LHFPL2: variants seen among roughly 807,000 people sequenced by gnomAD.
The protein encoded by LHFPL2 is LHFPL tetraspan subfamily member 2.
LHFPL2 carries 7 observed loss-of-function variants against 17.5 expected under a neutral mutation model. The ratio of observed to expected loss-of-function variants is 0.40; its 90% CI spans 0.23 to 0.75. LHFPL2 has a LOEUF of 0.75. Ranked by LOEUF, LHFPL2 falls within the 30% of genes least tolerant of loss-of-function variation. The pLI, the probability that LHFPL2 is intolerant of heterozygous loss-of-function variation, is 0.37. For missense variants in LHFPL2, 241 were observed against 294.8 expected, an observed-to-expected ratio of 0.82 and a Z score of 1.34; for synonymous variants, 134 against 116.2, an observed-to-expected ratio of 1.15 and a Z score of -0.99.
At chr5:78,647,805 T>C (rs1745937391) in intron 1 of LHFPL2, among the ~76,000 whole-genome samples, 1 of 151,694 alleles carries the variant, frequency 6.6e-6, no homozygotes, top group African/African-American at 2.4e-5. Flanking sequence ...CGAAGAACAC[T>C]GGGCCGCTGA....
intron 2 of LHFPL2, among the ~76,000 whole-genome samples, chr5:78,580,563 T>C (rs1395325980): frequency 1.3e-5 from 2 of 150,332 alleles, no homozygotes; most frequent in African/African-American, 4.9e-5. Flanking sequence ...TTTCTACATA[T>C]GGCTAGCCAG....
chr5:78,638,347 C>A (rs1417343255), intron 1 of LHFPL2, among the ~76,000 whole-genome samples: 1 of 152,008 alleles, frequency 6.6e-6, no homozygotes, highest in Admixed American at 6.6e-5. Context: ...GAGCGAGACA[C>A]CGTCTCAAAT....
chr5:78,510,198 C>T lies in LHFPL2; in HGVS notation c.16G>A (p.Val6Ile). The T allele has an allele frequency of 6.3e-7, 1 of 1,597,808 alleles. No individual in the cohort carries two copies. Among genetic ancestry groups the T allele is most frequent in the Non-Finnish European group, 8.5e-7 (1 of 1,169,672 alleles). ...GTCCAGAGCATCGAGCGACAGGTGA[C>T]AATGACATGACACATATTGATGTTC... The part of the protein sequence containing the change: MCHVI[V>I]TCRSMLWTLL... The change falls in exon 4 of 5, where the codon GTC (valine) becomes ATC (isoleucine). Residue 6 changes from valine to isoleucine, a missense_variant. Val to Ile is a conservative substitution (Grantham distance 29, BLOSUM62 3). Coordinates refer to ENST00000380345, the MANE Select transcript of LHFPL2 (RefSeq NM_005779.3).
intron 3 of LHFPL2, among the ~76,000 whole-genome samples, chr5:78,550,240 T>C (rs1404308114): frequency 6.6e-6 from 1 of 152,188 alleles, no homozygotes; most frequent in Non-Finnish European, 1.5e-5. Context: ...GGCTCATCCA[T>C]CTTCACAACC....
intron 2 of LHFPL2, among the ~76,000 whole-genome samples, chr5:78,600,229 G>A (rs185453940): frequency 3.6e-4 from 55 of 151,114 alleles, no homozygotes; most frequent in African/African-American, 1.2e-3. Flanking sequence ...GTTGTCAAGC[G>A]AGCAAACTAG....
chr5:78,504,582 G>A (rs975794809), intron 4 of LHFPL2, among the ~76,000 whole-genome samples: 2 of 152,156 alleles, frequency 1.3e-5, no homozygotes, highest in African/African-American at 2.4e-5. Context: ...CATTTCGTAT[G>A]CCCACCCATA....
At chr5:78,569,790 A>G (rs935813306) in intron 2 of LHFPL2, among the ~76,000 whole-genome samples, 1 of 152,128 alleles carries the variant, frequency 6.6e-6, no homozygotes, top group African/African-American at 2.4e-5. Flanking sequence ...GTTTCCAAAG[A>G]CCTCGCGGAC....
At chr5:78,595,397 A>C (rs2112465928) in intron 2 of LHFPL2, among the ~76,000 whole-genome samples, 1 of 152,338 alleles carries the variant, frequency 6.6e-6, no homozygotes, top group Non-Finnish European at 1.5e-5. Flanking sequence ...TGGTGAGTGG[A>C]CAGATTTCTG....
At chr5:78,605,436 T>C (rs1744180640) in intron 2 of LHFPL2, among the ~76,000 whole-genome samples, 2 of 152,302 alleles carry the variant, frequency 1.3e-5, no homozygotes, top group African/African-American at 2.4e-5. Context: ...TGGCGACTCC[T>C]CTGTGCCACC....
rs867898077 is a variant in LHFPL2, at chr5:78,494,504, A to G, written c.431-5351T>C. On this transcript the variant is annotated intron_variant, in intron 4 of 4. Transcript: ENST00000380345. ...TAGAAGACGTTAGCATCTGCTGGCA[A>G]TGGGGGGATCACATGATTCAACCTT... 1.1e-4 allele frequency: 108 copies of G among 985,406 alleles called. 1 individual carries two copies. In the Middle Eastern group the frequency reaches 5.7e-3, roughly 52 times the overall value. The allele number at this position is 985,406 out of a possible 1,614,324, so 61.0% of individuals were successfully genotyped here. A position where few individuals can be genotyped will look rare whatever the true frequency, so the allele number is the denominator to read the frequency against.
At chr5:78,617,807 A>G (rs562792453) in intron 2 of LHFPL2, among the ~76,000 whole-genome samples, 1 of 152,352 alleles carries the variant, frequency 6.6e-6, no homozygotes, top group Admixed American at 6.5e-5. Context: ...AGCAATATTT[A>G]TTAAAATTAA....
At chr5:78,598,860 A>G (rs1159013747) in intron 2 of LHFPL2, among the ~76,000 whole-genome samples, 2 of 152,224 alleles carry the variant, frequency 1.3e-5, no homozygotes, top group Non-Finnish European at 2.9e-5. Flanking sequence ...ATTTTCTTCC[A>G]TGTTATATTT....
In LHFPL2 at chr5:78,577,983, C is replaced by T. The variant is rs144793702; in HGVS notation, c.-244-13112G>A. On this transcript the variant is annotated intron_variant, in intron 2 of 4. Transcript: ENST00000380345. ...TGTTTACCTGACCCCAAATGTTATC[C>T]TAATGAAAACTCTGTTTTTAATTCT... Among the ~76,000 whole-genome samples, 1,094 of 152,210 alleles carry T rather than the reference C, an allele frequency of 7.2e-3. 18 individuals carry two copies. The highest frequency in any genetic ancestry group is 0.01 in the Middle Eastern group (3 of 294).
At chr5:78,568,451 C>T (rs1446093629) in intron 2 of LHFPL2, among the ~76,000 whole-genome samples, 2 of 152,128 alleles carry the variant, frequency 1.3e-5, no homozygotes, top group African/African-American at 4.8e-5. Context: ...TGATGGGCAC[C>T]AGCACTTATT....
At chr5:78,544,495 G>C (rs1386354657) in intron 3 of LHFPL2, among the ~76,000 whole-genome samples, 1 of 152,168 alleles carries the variant, frequency 6.6e-6, no homozygotes, top group Non-Finnish European at 1.5e-5. Flanking sequence ...AAAACTAATA[G>C]TGGCTTTCTT....
chr5:78,622,074 T>A (rs1361299143), intron 2 of LHFPL2, among the ~76,000 whole-genome samples: 2 of 152,152 alleles, frequency 1.3e-5, no homozygotes, highest in African/African-American at 4.8e-5. Flanking sequence ...GTCCCTTGAT[T>A]CTAAAAGCAT....
intron 2 of LHFPL2, among the ~76,000 whole-genome samples, chr5:78,573,105 C>T (rs978358376): frequency 1.3e-5 from 2 of 152,078 alleles, no homozygotes; most frequent in Admixed American, 6.5e-5. Context: ...CATTGCTTCT[C>T]ATTATCTAGT....
intron 2 of LHFPL2, among the ~76,000 whole-genome samples, chr5:78,588,537 A>AT (rs1210971342): frequency 1.3e-5 from 2 of 151,846 alleles, no homozygotes; most frequent in Admixed American, 6.6e-5. Flanking sequence ...GCCATCTCCT[A>AT]TTTTTTTTAA....
In LHFPL2 at chr5:78,584,045, G is replaced by A. The variant is rs10474557; in HGVS notation, c.-244-19174C>T. On this transcript the variant is annotated intron_variant, in intron 2 of 4. Coordinates refer to ENST00000380345, the MANE Select transcript of LHFPL2 (RefSeq NM_005779.3). Reference sequence around the variant, plus strand: ...CATTTCATTTATTTCATCTTCCATCGCTGATACCCTTTCTTCCAGTTGATC... The same window carrying A: ...CATTTCATTTATTTCATCTTCCATCACTGATACCCTTTCTTCCAGTTGATC... Among the ~76,000 whole-genome samples the A allele has an allele frequency of 4.4e-3, 666 of 151,478 alleles. 2 individuals carry two copies. Among genetic ancestry groups the A allele is most frequent in the Middle Eastern group, 0.01 (3 of 294 alleles).
Sources: gnomAD v4.1 joint callset for allele counts (sites outside exome capture counted in the v4.1 genomes callset) on GRCh38, gnomAD v4.1.1 for gene constraint, MANE v1.5 for transcripts, NCBI Gene and HGNC (gene_info 2026-07-23, HGNC 2026-07-21) for gene names.